Variants in ZFX observed in about 807,000 individuals in gnomAD.
ZFX encodes zinc finger X-chromosomal protein.
For missense variants in ZFX, 362 were observed against 628.3 expected (o/e 0.58, Z 4.53); for synonymous variants, 196 against 226.8 (o/e 0.86, Z 1.22).
At chrX:24,164,897 G>A (rs1318635979) in intron 3 of ZFX, among the ~76,000 whole-genome samples, 9 of 106,156 alleles carry the variant, frequency 8.5e-5, no homozygotes, top group African/African-American at 3.1e-4. Flanking sequence ...CTGAGATGGC[G>A]ATGTTGCACT....
intron 8 of ZFX, 115 bp downstream of exon 8, chrX:24,208,485 G>A (rs774638420): frequency 1.2e-5 from 11 of 931,911 alleles, no homozygotes; most frequent in Middle Eastern, 3.2e-4. Flanking sequence ...CCAGTATCCT[G>A]TAAGGATTAT....
intron 3 of ZFX, among the ~76,000 whole-genome samples, chrX:24,164,053 G>A (rs772993252): frequency 5.6e-4 from 54 of 96,205 alleles, no homozygotes; most frequent in African/African-American, 2.1e-3. Context: ...TTATTATCTT[G>A]TATTTTATTG....
intron 3 of ZFX, among the ~76,000 whole-genome samples, chrX:24,169,593 TA>T (rs63276860): frequency 9.2e-5 from 8 of 87,024 alleles, no homozygotes; most frequent in African/African-American, 1.7e-4. Context: ...AACTAGGAAT[TA>T]AAAAAAAAAA....
rs778921325 is a variant in ZFX, at chrX:24,215,314, A to G, written c.*3938A>G. Reference sequence around the variant, plus strand: ...CAAATTCTAGCATTCATGTAAGGAAAAACATGGCTAATCAATATCTTAAAG... The same window carrying G: ...CAAATTCTAGCATTCATGTAAGGAAGAACATGGCTAATCAATATCTTAAAG... On this transcript the variant is annotated 3_prime_UTR_variant, in exon 10 of 10. Coordinates refer to ENST00000304543, the MANE Select transcript of ZFX (RefSeq NM_003410.4). 9 of 112,138 alleles carry G rather than the reference A, an allele frequency of 8.0e-5. No homozygotes were observed. In the East Asian group the frequency reaches 2.5e-3, roughly 31 times the overall value. 9.2% of individuals were successfully genotyped at this position (112,138 alleles called of 1,213,427 possible).
intron 3 of ZFX, among the ~76,000 whole-genome samples, chrX:24,153,360 C>T (rs990735141): frequency 9.0e-6 from 1 of 111,208 alleles, no homozygotes; most frequent in African/African-American, 3.3e-5. Context: ...CTCCTTTTGC[C>T]GCAGGGGAGG....
At chrX:24,189,365 G>T (rs752683296) in intron 5 of ZFX, among the ~76,000 whole-genome samples, 11 of 111,743 alleles carry the variant, frequency 9.8e-5, no homozygotes, top group African/African-American at 3.6e-4. Context: ...CAATGTAAAG[G>T]GACTCCTGCA....
intron 4 of ZFX, among the ~76,000 whole-genome samples, chrX:24,175,830 C>T (rs774821258): frequency 3.6e-4 from 40 of 109,833 alleles, no homozygotes; most frequent in African/African-American, 1.3e-3. Flanking sequence ...TCGCCTGCCT[C>T]GGCCTCCCAA....
Position 24,210,597 on chromosome X carries a change from C to G in ZFX, c.1639C>G (p.Pro547Ala). ...CTTGGCAGTCCACAGCAAGAACTTT[C>G]CTCATATTTGTGTGGAGTGTGGTAA... ...HLLAVHSKNF[P>A]HICVECGKGF... The change falls in exon 10 of 10, where the codon CCT (proline) becomes GCT (alanine). Residue 547 changes from proline (P) to alanine (A), a missense_variant. Coordinates refer to ENST00000304543, the MANE Select transcript of ZFX (RefSeq NM_003410.4). 1 of 1,211,780 alleles carries G rather than the reference C, an allele frequency of 8.3e-7. No individual in the cohort carries two copies. Among genetic ancestry groups the G allele is most frequent in the Non-Finnish European group, 1.1e-6 (1 of 895,592 alleles).
At chrX:24,202,467 A>G (rs1182275993) in intron 5 of ZFX, among the ~76,000 whole-genome samples, 4 of 111,731 alleles carry the variant, frequency 3.6e-5, no homozygotes, top group African/African-American at 9.8e-5. Flanking sequence ...AACCAAGAAC[A>G]TCAGCGACCT....
intron 5 of ZFX, among the ~76,000 whole-genome samples, chrX:24,199,271 T>C (rs1937129462): frequency 9.1e-6 from 1 of 109,636 alleles, no homozygotes; most frequent in African/African-American, 3.3e-5. Context: ...TTTTTTTTTT[T>C]TTGGAGGCAG....
At chrX:24,209,705 G>A (rs1296701753) in intron 9 of ZFX, among the ~76,000 whole-genome samples, 1 of 110,563 alleles carries the variant, frequency 9.0e-6, no homozygotes, top group Non-Finnish European at 1.9e-5. Flanking sequence ...CCTTCCAAGC[G>A]GCTAGGATTA....
At chrX:24,190,059 A>T (rs910209611) in intron 5 of ZFX, among the ~76,000 whole-genome samples, 4 of 112,260 alleles carry the variant, frequency 3.6e-5, no homozygotes, top group African/African-American at 1.3e-4. Flanking sequence ...GAAGATTTTT[A>T]AAATTTATTT....
intron 3 of ZFX, among the ~76,000 whole-genome samples, chrX:24,160,753 A>G (rs1020512484): frequency 8.9e-6 from 1 of 112,013 alleles, no homozygotes; most frequent in African/African-American, 3.2e-5. Flanking sequence ...TTGAAAATAC[A>G]TAATGAATTA....
intron 3 of ZFX, among the ~76,000 whole-genome samples, chrX:24,159,263 T>TA (rs1227474806): frequency 2.7e-5 from 3 of 112,347 alleles, no homozygotes. Flanking sequence ...GAGCTGGGAT[T>TA]ATAGGCGTGA....
chrX:24,208,876 T>C (rs1569169968), intron 8 of ZFX, 24 bp from the exon 9 acceptor site: 1 of 1,192,229 alleles, frequency 8.4e-7, no homozygotes, highest in Non-Finnish European at 1.1e-6. Flanking sequence ...CTGTATAATT[T>C]TGTTTTTTAA....
chrX:24,152,933 C>T (rs1428419925), intron 3 of ZFX, 103 bp downstream of exon 3: 1 of 112,175 alleles, frequency 8.9e-6, no homozygotes, highest in African/African-American at 3.2e-5. Flanking sequence ...GGTGGAACAC[C>T]TTCGAACCCA....
intron 5 of ZFX, among the ~76,000 whole-genome samples, chrX:24,189,089 G>A (rs1417257838): frequency 3.6e-5 from 4 of 111,936 alleles, no homozygotes; most frequent in African/African-American, 1.3e-4. Context: ...CGCCTGCCTC[G>A]GCCTCCCAAA....
chrX:24,160,499 A>G (rs1933178871), intron 3 of ZFX, among the ~76,000 whole-genome samples: 2 of 110,170 alleles, frequency 1.8e-5, no homozygotes, highest in Non-Finnish European at 3.8e-5. Context: ...GGGTTTCACC[A>G]TGTTAGCCAG....
intron 5 of ZFX, among the ~76,000 whole-genome samples, chrX:24,190,487 A>G (rs1293996548): frequency 1.8e-5 from 2 of 112,017 alleles, no homozygotes; most frequent in Non-Finnish European, 3.8e-5. Context: ...AAATAAGGCA[A>G]AGATGTTTTA....
Sources: gnomAD v4.1 joint callset for allele counts (sites outside exome capture counted in the v4.1 genomes callset) on GRCh38, gnomAD v4.1.1 for gene constraint, MANE v1.5 for transcripts, NCBI Gene and HGNC (gene_info 2026-07-23, HGNC 2026-07-21) for gene names.